ZNF362: variants seen among roughly 807,000 people sequenced by gnomAD.
The protein encoded by ZNF362 is zinc finger protein 362, also known as rotund homolog.
Under a neutral mutation model 42.9 loss-of-function variants are expected in ZNF362, and 11 were observed. That is an observed-to-expected ratio of 0.26 (90% CI 0.16 to 0.42). The LOEUF (loss-of-function observed/expected upper bound fraction) is 0.42, where lower values mean the gene tolerates loss of function less well. ZNF362 is among the 20% of genes least tolerant of loss of function. ZNF362 has a pLI of 1.00. For missense variants in ZNF362, 362 were observed against 576.2 expected (o/e 0.63, Z 3.81); for synonymous variants, 255 against 257.3 (o/e 0.99, Z 0.09).
the ZNF362 span, among the ~76,000 whole-genome samples, chr1:33,202,746 A>G: frequency 6.6e-6 from 1 of 152,126 alleles, no homozygotes; most frequent in Non-Finnish European, 1.5e-5. Context: ...ATTGATGCAG[A>G]AAAAAAATTT....
At position 33,294,491 on chromosome 1, in the gene ZNF362, G is replaced by A. The variant is rs1318928508; in HGVS notation, c.909-446G>A. On this transcript the variant is annotated intron_variant, in intron 6 of 8. Transcript: ENST00000539719. This position sits in a 1 kb window ranked among gnomAD's most constrained non-coding sequence, Gnocchi z 4.2. ...GACATGGGGTAGGGACAGGAAATAA[G>A]TGTCTGGGGCCAATTAGAGGGAGAT... 6.6e-6 allele frequency among the ~76,000 whole-genome samples: 1 copy of A among 152,220 alleles called. No homozygotes were observed. The highest frequency in any genetic ancestry group is 2.4e-5 in the African/African-American group (1 of 41,452).
At chr1:33,267,760 T>A (rs1388861891) in intron 1 of ZNF362, among the ~76,000 whole-genome samples, 1 of 152,194 alleles carries the variant, frequency 6.6e-6, no homozygotes, top group Non-Finnish European at 1.5e-5. Context: ...AAACAGAACC[T>A]GTTTAAAATT....
At chr1:33,271,244 G>A (rs937524539) in intron 2 of ZNF362, among the ~76,000 whole-genome samples, 1 of 152,214 alleles carries the variant, frequency 6.6e-6, no homozygotes, top group Admixed American at 6.5e-5. Flanking sequence ...CCATCTGCCA[G>A]GCAACACCGA....
At chr1:33,285,640 A>G (rs935397651) in intron 6 of ZNF362, among the ~76,000 whole-genome samples, 10 of 152,208 alleles carry the variant, frequency 6.6e-5, no homozygotes, top group African/African-American at 2.4e-4. Context: ...TATGTTATAC[A>G]TATTATATGT....
In ZNF362 at chr1:33,295,219, G is replaced by C; in HGVS notation, c.1060G>C (p.Ala354Pro). Residue 354 changes from alanine to proline, a missense_variant, in exon 8 of 9, where the codon GCT becomes CCT. Ala to Pro is a conservative substitution (Grantham distance 27, BLOSUM62 -1). Coordinates refer to ENST00000539719, the MANE Select transcript of ZNF362 (RefSeq NM_152493.3). ...PNCYRAYSDS[A>P]SLQIHLSAHA... Reference sequence around the variant, plus strand: ...CTGCTACCGGGCCTATTCGGACTCCGCTTCTTTGCAGATCCACCTCTCGGC... The same window carrying C: ...CTGCTACCGGGCCTATTCGGACTCCCCTTCTTTGCAGATCCACCTCTCGGC... 6.2e-7 allele frequency: 1 copy of C among 1,614,180 alleles called. No homozygotes were observed. The highest frequency in any genetic ancestry group is 8.5e-7 in the Non-Finnish European group (1 of 1,180,034).
At position 33,295,130 on chromosome 1, in the gene ZNF362, C is replaced by G. The variant is rs201352026; in HGVS notation, c.988-17C>G. 3 of 1,613,744 alleles carry G rather than the reference C, an allele frequency of 1.9e-6. No homozygotes were observed. Among genetic ancestry groups the G allele is most frequent in the Non-Finnish European group, 2.5e-6 (3 of 1,179,762 alleles). ...GGAGCCCTGTTCCTCTCCTGACCCC[C>G]TGCTGTGCCCCTACAGTCTCACCAG... On this transcript the variant is annotated splice_polypyrimidine_tract_variant and intron_variant, in intron 7 of 8. Coordinates refer to ENST00000539719, the MANE Select transcript of ZNF362 (RefSeq NM_152493.3).
At chr1:33,238,882 A>T in the ZNF362 span, among the ~76,000 whole-genome samples, 1 of 152,234 alleles carries the variant, frequency 6.6e-6, no homozygotes, top group Middle Eastern at 3.4e-3. Context: ...GAGAGGCCTC[A>T]CCAGAACCGG....
chr1:33,239,330 C>G, the ZNF362 span, among the ~76,000 whole-genome samples: 1 of 152,114 alleles, frequency 6.6e-6, no homozygotes, highest in Non-Finnish European at 1.5e-5. Context: ...CTGGGGTCCC[C>G]TAGATCATTT....
intron 1 of ZNF362, among the ~76,000 whole-genome samples, chr1:33,261,920 G>C (rs1557786282): frequency 1.3e-5 from 2 of 152,224 alleles, no homozygotes; most frequent in African/African-American, 4.8e-5. Context: ...CAATGGGACA[G>C]TTACTTCTTC....
chr1:33,176,901 G>C, the ZNF362 span, among the ~76,000 whole-genome samples: 1 of 152,206 alleles, frequency 6.6e-6, no homozygotes, highest in Non-Finnish European at 1.5e-5. Context: ...GCAGTCCCAG[G>C]CATTCAGACT....
intron 1 of ZNF362, chr1:33,261,725 T>C (rs1031095947): frequency 1.3e-5 from 2 of 152,210 alleles, no homozygotes; most frequent in African/African-American, 4.8e-5. Flanking sequence ...TCTAAAATCA[T>C]GCACTATTCG....
the ZNF362 span, among the ~76,000 whole-genome samples, chr1:33,185,511 C>T: frequency 2.6e-5 from 4 of 152,136 alleles, no homozygotes; most frequent in African/African-American, 7.2e-5. Flanking sequence ...TGTGAGCCAC[C>T]GTGCCCGACC....
intron 1 of ZNF362, among the ~76,000 whole-genome samples, chr1:33,257,040 G>C (rs990212439): frequency 1.3e-5 from 2 of 152,214 alleles, no homozygotes; most frequent in Admixed American, 6.5e-5. Flanking sequence ...AAACGGCGCG[G>C]TTCGCGCACT....
the ZNF362 span, among the ~76,000 whole-genome samples, chr1:33,139,037 T>C: frequency 6.6e-6 from 1 of 152,382 alleles, no homozygotes; most frequent in Admixed American, 6.5e-5. Context: ...TAATAGCTGC[T>C]GACTTCTGGG....
At chr1:33,189,377 A>G in the ZNF362 span, among the ~76,000 whole-genome samples, 4 of 151,936 alleles carry the variant, frequency 2.6e-5, no homozygotes, top group Non-Finnish European at 5.9e-5. Context: ...GGCCTAGTTC[A>G]TGACAACGTT....
the ZNF362 span, among the ~76,000 whole-genome samples, chr1:33,250,154 G>A: frequency 4.1e-4 from 63 of 152,290 alleles, no homozygotes; most frequent in Non-Finnish European, 6.5e-4. Context: ...TCTGAACCAG[G>A]AGTTAGAGGA....
chr1:33,295,088 G>C, intron 7 of ZNF362, 59 bp from the exon 8 acceptor site: 1 of 1,613,070 alleles, frequency 6.2e-7, no homozygotes, highest in Middle Eastern at 1.7e-4. Flanking sequence ...GGAAGCGTAG[G>C]AAGGGGGTGG....
rs1646157819 is a variant in ZNF362 at position 33,300,292 on chromosome 1, C to T, written c.*1246C>T. The T allele has an allele frequency of 6.6e-6, 1 of 152,556 alleles. No homozygotes were observed. Among genetic ancestry groups the T allele is most frequent in the Admixed American group, 6.5e-5 (1 of 15,274 alleles). 9.5% of individuals were successfully genotyped at this position (152,556 alleles called of 1,614,324 possible). On this transcript the variant is annotated 3_prime_UTR_variant, in exon 9 of 9. Transcript: ENST00000539719. ...ACCAGTTTAACGTTTCCTGGGGTTT[C>T]TTTGCCCATGGGGTTCTCTGCCCCC...
At chr1:33,228,301 T>C in the ZNF362 span, among the ~76,000 whole-genome samples, 2 of 152,152 alleles carry the variant, frequency 1.3e-5, no homozygotes, top group Non-Finnish European at 2.9e-5. Context: ...CTTCCCTTGC[T>C]ATGCTCACTC....
Sources: gnomAD v4.1 joint callset for allele counts (sites outside exome capture counted in the v4.1 genomes callset) on GRCh38, gnomAD v4.1.1 for gene constraint, Gnocchi (gnomAD v3.1) non-coding constraint, MANE v1.5 for transcripts, NCBI Gene and HGNC (gene_info 2026-07-23, HGNC 2026-07-21) for gene names.